EPHB3: variants seen among roughly 807,000 people sequenced by gnomAD.
The protein encoded by EPHB3 is EPH receptor B3, also known as ephrin type-B receptor 3.
Under a neutral mutation model 100.2 loss-of-function variants are expected in EPHB3, and 33 were observed. The observed-to-expected ratio is 0.33, with a 90% CI of 0.25 to 0.44. EPHB3 has a LOEUF of 0.44. Ranked by LOEUF, EPHB3 falls within the 20% of genes least tolerant of loss-of-function variation. EPHB3 has a pLI of 1.00. For synonymous variants in EPHB3, 526 were observed against 554.7 expected (o/e 0.95, Z 0.73); for missense variants, 1,045 against 1,378.3 (o/e 0.76, Z 3.83).
intron 1 of EPHB3, among the ~76,000 whole-genome samples, chr3:184,567,272 A>C (rs1410448074): frequency 1.3e-5 from 2 of 152,172 alleles, no homozygotes; most frequent in East Asian, 3.9e-4. Context: ...CCAGGACAAC[A>C]GGAAGCAGGG....
In EPHB3 at chr3:184,571,527, C is replaced by G. The variant is rs1714540243; in HGVS notation, c.183+145C>G. 1 of 788,648 alleles carries G rather than the reference C, an allele frequency of 1.3e-6. No homozygotes were observed. Among genetic ancestry groups the G allele is most frequent in the Non-Finnish European group, 2.1e-6 (1 of 468,322 alleles). 48.9% of individuals were successfully genotyped at this position (788,648 alleles called of 1,614,324 possible). A position where few individuals can be genotyped will look rare whatever the true frequency, so the allele number is the denominator to read the frequency against. ...GTCACCCTCACTTCCTGTGCCATCC[C>G]CATCATCCTCACTTGTGACCCTCTG... On this transcript the variant is annotated intron_variant, in intron 2 of 15. Coordinates refer to ENST00000330394, the MANE Select transcript of EPHB3 (RefSeq NM_004443.4). This position sits in a 1 kb window ranked among gnomAD's most constrained non-coding sequence, Gnocchi z 5.0.
chr3:184,576,113 G>A, intron 4 of EPHB3, 128 bp downstream of exon 4: 3 of 1,309,676 alleles, frequency 2.3e-6, no homozygotes, highest in Non-Finnish European at 3.1e-6. Flanking sequence ...AGGGAAGTTA[G>A]ATGTTGCGCT....
At position 184,572,631 on chromosome 3, in the gene EPHB3, G is replaced by T. The variant is rs772010344; in HGVS notation, c.311G>T (p.Arg104Leu). The change falls in exon 3 of 16, where the codon CGG becomes CTG. Residue 104 changes from arginine to leucine, a missense_variant. Coordinates refer to ENST00000330394, the MANE Select transcript of EPHB3 (RefSeq NM_004443.4). The surrounding 1 kb of genome is among the most constrained non-coding windows in gnomAD (Gnocchi z 6.6). ...TTCATCTGGCGGCGGGATGTGCAGC[G>T]GGTCTACGTGGAGCTCAAGTTCACT... is the stretch of plus-strand genomic sequence containing the variant. Reference protein sequence around the residue: ...TGFIWRRDVQRVYVELKFTVR... With the variant: ...TGFIWRRDVQLVYVELKFTVR... 1 of 1,557,226 alleles carries T rather than the reference G, an allele frequency of 6.4e-7. No individual in the cohort carries two copies. The highest frequency in any genetic ancestry group is 1.2e-5 in the South Asian group (1 of 81,142).
Position 184,578,281 on chromosome 3 carries a change from C to A in EPHB3, c.1749-133C>A. 1.5e-6 allele frequency: 2 copies of A among 1,327,728 alleles called. No homozygotes were observed. Among genetic ancestry groups the A allele is most frequent in the Non-Finnish European group, 1.1e-6 (1 of 948,636 alleles). The allele number at this position is 1,327,728 out of a possible 1,614,324, so 82.2% of individuals were successfully genotyped here. A position where few individuals can be genotyped will look rare whatever the true frequency, so the allele number is the denominator to read the frequency against. ...CTCAGACACCCAGAGACTGCTGTGA[C>A]CACCAATTGTGGGACTAGGCCCCAG... is the stretch of plus-strand genomic sequence containing the variant. On this transcript the variant is annotated intron_variant, in intron 8 of 15. Transcript: ENST00000330394. This position sits in a 1 kb window ranked among gnomAD's most constrained non-coding sequence, Gnocchi z 4.7.
rs1357317283 is a variant in EPHB3, at chr3:184,580,586, A to G, written c.2357A>G (p.Asp786Gly). 2.5e-6 allele frequency: 4 copies of G among 1,613,604 alleles called. No individual in the cohort carries two copies. Residue 786 changes from aspartate (D) to glycine (G), a missense_variant, in exon 12 of 16, where the codon GAC becomes GGC. Physicochemically the swap from Asp to Gly is moderately conservative, Grantham distance 94. This residue lies in a region of EPHB3 where 985 missense variants were observed against 1,331.1 expected (regional missense o/e 0.74). Coordinates refer to ENST00000330394, the MANE Select transcript of EPHB3 (RefSeq NM_004443.4). The part of the protein sequence containing the change: ...DFGLSRFLED[D>G]PSDPTYTSSL... Reference sequence around the variant, plus strand: ...GGCCTCTCCCGCTTCCTGGAGGATGACCCCTCCGATCCTACCTACACCAGT... The same window carrying G: ...GGCCTCTCCCGCTTCCTGGAGGATGGCCCCTCCGATCCTACCTACACCAGT...
chr3:184,566,623 G>A (rs1273420137), intron 1 of EPHB3, among the ~76,000 whole-genome samples: 1 of 152,180 alleles, frequency 6.6e-6, no homozygotes, highest in Non-Finnish European at 1.5e-5. Context: ...GGTGGCTGAG[G>A]AAGGGACTCC....
At position 184,579,875 on chromosome 3, in the gene EPHB3, C is replaced by G; in HGVS notation, c.2113C>G (p.Arg705Gly). 1 of 1,613,898 alleles carries G rather than the reference C, an allele frequency of 6.2e-7. No individual in the cohort carries two copies. Among genetic ancestry groups the G allele is most frequent in the Admixed American group, 1.7e-5 (1 of 60,008 alleles). The change falls in exon 11 of 16, where the codon CGG becomes GGG. Residue 705 changes from arginine (R) to glycine (G), a missense_variant. By Grantham distance (125) the Arg-to-Gly change is moderately radical. Coordinates refer to ENST00000330394, the MANE Select transcript of EPHB3 (RefSeq NM_004443.4). This position sits in a 1 kb window ranked among gnomAD's most constrained non-coding sequence, Gnocchi z 5.2. ...GCTCGAGGGCGTGGTCACCAAAAGT[C>G]GGCCAGTTATGATCCTCACTGAGTT... ...IRLEGVVTKS[R>G]PVMILTEFME...
In EPHB3 at chr3:184,571,987, G is replaced by A. The variant is rs556533862; in HGVS notation, c.184-517G>A. On this transcript the variant is annotated intron_variant, in intron 2 of 15. Coordinates refer to ENST00000330394, the MANE Select transcript of EPHB3 (RefSeq NM_004443.4). The surrounding 1 kb of genome is among the most constrained non-coding windows in gnomAD (Gnocchi z 5.0). The stretch of plus-strand genomic sequence containing the variant: ...CTTGGCTTCCTCATCTCTAAACGTC[G>A]GGACAACAGATGCGGCTCCTCATGG... 5.3e-5 allele frequency among the ~76,000 whole-genome samples: 8 copies of A among 152,284 alleles called. No homozygotes were observed. Among genetic ancestry groups the A allele is most frequent in the Non-Finnish European group, 7.3e-5 (5 of 68,034 alleles).
Position 184,571,287 on chromosome 3 carries a change from TC to T in EPHB3, c.119-28del. The stretch of plus-strand genomic sequence containing the variant: ...TTCTGTCTCCTCAACCTGAGATTAG[TC>T]CCTGACCTTTTTCTCCGTTGTTCCT... On this transcript the variant is annotated intron_variant, in intron 1 of 15. Transcript: ENST00000330394. The surrounding 1 kb of genome is among the most constrained non-coding windows in gnomAD (Gnocchi z 5.0). The T allele has an allele frequency of 6.2e-7, 1 of 1,612,734 alleles. No individual in the cohort carries two copies. Among genetic ancestry groups the T allele is most frequent in the Non-Finnish European group, 8.5e-7 (1 of 1,178,842 alleles).
chr3:184,571,437 C>A lies in EPHB3; in HGVS notation c.183+55C>A. 1 of 1,596,762 alleles carries A rather than the reference C, an allele frequency of 6.3e-7. No individual in the cohort carries two copies. Among genetic ancestry groups the A allele is most frequent in the Non-Finnish European group, 8.6e-7 (1 of 1,165,408 alleles). On this transcript the variant is annotated intron_variant, in intron 2 of 15. Transcript: ENST00000330394. This position sits in a 1 kb window ranked among gnomAD's most constrained non-coding sequence, Gnocchi z 5.0. ...TTGTTTGCCATTAGGCCTCCCCCCA[C>A]TTCCAGCCTCCGTGCCCCCTCATCT...
chr3:184,578,738 A>T lies in EPHB3; in HGVS notation c.1801+272A>T, dbSNP rs1714747228. 1.3e-5 allele frequency among the ~76,000 whole-genome samples: 2 copies of T among 152,234 alleles called. No homozygotes were observed. The highest frequency in any genetic ancestry group is 2.9e-5 in the Non-Finnish European group (2 of 68,048). On this transcript the variant is annotated intron_variant, in intron 9 of 15. Transcript: ENST00000330394. This position sits in a 1 kb window ranked among gnomAD's most constrained non-coding sequence, Gnocchi z 4.7. ...AAGACAAGATGCAAACACACAGGAA[A>T]CAATTTGAGAACAATTAAGGGTTGA...
At position 184,565,569 on chromosome 3, in the gene EPHB3, C is replaced by T. The variant is rs1157849623; in HGVS notation, c.118+3216C>T. 1.3e-5 allele frequency among the ~76,000 whole-genome samples: 2 copies of T among 152,196 alleles called. No individual in the cohort carries two copies. The highest frequency in any genetic ancestry group is 2.9e-5 in the Non-Finnish European group (2 of 68,030). ...TAGCTGAGTTGTCACTGCAGTGGAA[C>T]CTGTCTCTGAAGGAACAAGACAGCA... is the stretch of plus-strand genomic sequence containing the variant. On this transcript the variant is annotated intron_variant, in intron 1 of 15. Coordinates refer to ENST00000330394, the MANE Select transcript of EPHB3 (RefSeq NM_004443.4). This position sits in a 1 kb window ranked among gnomAD's most constrained non-coding sequence, Gnocchi z 4.8.
intron 1 of EPHB3, among the ~76,000 whole-genome samples, chr3:184,570,593 C>T (rs1488053268): frequency 6.6e-6 from 1 of 152,256 alleles, no homozygotes; most frequent in Non-Finnish European, 1.5e-5. Flanking sequence ...TGTCACTGCC[C>T]TCCCCTTCCC....
At chr3:184,575,769 C>T (rs537136031) in intron 3 of EPHB3, 61 bp from the exon 4 acceptor site, 167 of 1,509,230 alleles carry the variant, frequency 1.1e-4, no homozygotes, top group Non-Finnish European at 1.4e-4. Flanking sequence ...CATGGAGCTG[C>T]GGAGGTCTGG....
At position 184,573,148 on chromosome 3, in the gene EPHB3, G is replaced by T. The variant is rs772802555; in HGVS notation, c.828G>T (p.Glu276Asp). Residue 276 changes from glutamate (E) to aspartate (D), a missense_variant, in exon 3 of 16, where the codon GAG (glutamate) becomes GAT (aspartate). Physicochemically the swap from Glu to Asp is conservative, Grantham distance 45. This residue lies in a region of EPHB3 where 985 missense variants were observed against 1,331.1 expected (regional missense o/e 0.74). Coordinates refer to ENST00000330394, the MANE Select transcript of EPHB3 (RefSeq NM_004443.4). This position sits in a 1 kb window ranked among gnomAD's most constrained non-coding sequence, Gnocchi z 4.5. ...VGACTCATGH[E>D]PAAKESQCRP... is the part of the protein sequence containing the mutation. ...CCTGCACCTGTGCCACCGGCCATGA[G>T]CCAGCTGCCAAGGAGTCCCAGTGCC... The T allele has an allele frequency of 1.9e-6, 3 of 1,612,506 alleles. No individual in the cohort carries two copies. The highest frequency in any genetic ancestry group is 2.2e-5 in the East Asian group (1 of 44,884).
intron 4 of EPHB3, among the ~76,000 whole-genome samples, chr3:184,576,274 A>C (rs527265924): frequency 5.7e-4 from 86 of 150,984 alleles, no homozygotes; most frequent in Non-Finnish European, 1.1e-3. Context: ...GCTCCTAGCC[A>C]TGCTCAGGAA....
At position 184,562,342 on chromosome 3, in the gene EPHB3, G is replaced by A. The variant is rs776518476; in HGVS notation, c.107G>A (p.Arg36Gln). The change falls in exon 1 of 16, where the codon CGG (arginine) becomes CAG (glutamine). Residue 36 changes from arginine (R) to glutamine (Q), a missense_variant. By Grantham distance (43) the Arg-to-Gln change is conservative. Around this residue, in one of 2 missense-constraint regions of EPHB3, gnomAD observed 60 missense variants for 47.2 expected, o/e 1.27. Coordinates refer to ENST00000330394, the MANE Select transcript of EPHB3 (RefSeq NM_004443.4). This position sits in a 1 kb window ranked among gnomAD's most constrained non-coding sequence, Gnocchi z 4.8. ...LPLLLLPAGC[R>Q]ALEETLMDTK... The stretch of plus-strand genomic sequence containing the variant: ...CTGCTGCTGCTGCCCGCCGGCTGCC[G>A]GGCGCTGGAAGGTGAGCGGCGTCGG... The A allele has an allele frequency of 4.9e-5, 61 of 1,237,236 alleles. No individual in the cohort carries two copies. The African/African-American group carries it at 8.5e-4, about 17-fold the overall frequency. The allele number at this position is 1,237,236 out of a possible 1,614,324, so 76.6% of individuals were successfully genotyped here.
At chr3:184,576,011 C>A in intron 4 of EPHB3, 26 bp downstream of exon 4, 1 of 1,585,756 alleles carries the variant, frequency 6.3e-7, no homozygotes, top group South Asian at 1.1e-5. Flanking sequence ...ACCTCTCTTT[C>A]CCTCTGCAGG....
intron 1 of EPHB3, among the ~76,000 whole-genome samples, chr3:184,567,784 T>C (rs1386771833): frequency 6.6e-6 from 1 of 152,140 alleles, no homozygotes; most frequent in African/African-American, 2.4e-5. Flanking sequence ...AAGGAGAACA[T>C]ACTGCAGGGT....
Sources: allele counts gnomAD v4.1 joint callset (sites outside exome capture counted in the v4.1 genomes callset), GRCh38; gene constraint gnomAD v4.1.1; regional missense constraint gnomAD v4.1.1; non-coding constraint Gnocchi (gnomAD v3.1); transcripts MANE v1.5; gene names NCBI Gene and HGNC (gene_info 2026-07-23, HGNC 2026-07-21).